WWOX: variants seen among roughly 807,000 people sequenced by gnomAD.
WWOX encodes the protein WW domain containing oxidoreductase, also known as WW domain-containing oxidoreductase.
A neutral mutation model predicts 46.2 loss-of-function variants in WWOX; 69 were observed. The ratio of observed to expected loss-of-function variants is 1.49; its 90% CI spans 1.23 to 1.82. The LOEUF is 1.82. Among genes scored for constraint, WWOX ranks in the 40% most tolerant of loss-of-function variants. The pLI is 0.00. For synonymous variants in WWOX, 359 were observed against 202.6 expected (o/e 1.77, Z -6.56); for missense variants, 919 against 542.6 (o/e 1.69, Z -6.89).
intron 8 of WWOX, among the ~76,000 whole-genome samples, chr16:78,979,132 T>G (rs1306799989): frequency 6.6e-6 from 1 of 150,542 alleles, no homozygotes; most frequent in East Asian, 2.0e-4. Flanking sequence ...TATATTTTCC[T>G]CTCGAATATC....
At chr16:79,026,096 C>G (rs2047635396) in intron 8 of WWOX, among the ~76,000 whole-genome samples, 1 of 151,542 alleles carries the variant, frequency 6.6e-6, no homozygotes, top group Admixed American at 6.6e-5. Flanking sequence ...TCCCCATGCC[C>G]AGCCCCTGTT....
chr16:78,867,044 G>T (rs954349869), intron 8 of WWOX, among the ~76,000 whole-genome samples: 2 of 152,200 alleles, frequency 1.3e-5, no homozygotes, highest in African/African-American at 2.4e-5. Context: ...TGACTTTGTG[G>T]AAGGAGAAGG....
intron 8 of WWOX, among the ~76,000 whole-genome samples, chr16:78,478,261 T>C (rs2084400848): frequency 6.6e-6 from 1 of 152,204 alleles, no homozygotes; most frequent in Admixed American, 6.5e-5. Context: ...GCCTATTCCA[T>C]TCTTTTTATA....
chr16:78,266,163 G>C (rs59541013), intron 5 of WWOX: 38 of 152,274 alleles, frequency 2.5e-4, no homozygotes, highest in African/African-American at 8.2e-4. Flanking sequence ...CAGCCCGAGA[G>C]CTAAGAATGG....
chr16:78,337,990 C>T lies in WWOX; in HGVS notation c.517-48870C>T, dbSNP rs1482696508. 4.2e-5 allele frequency among the ~76,000 whole-genome samples: 5 copies of T among 119,604 alleles called. 1 individual carries two copies. Among genetic ancestry groups the T allele is most frequent in the Non-Finnish European group, 9.9e-5 (5 of 50,254 alleles). The allele number at this position is 119,604 out of a possible 152,430, so 78.5% of individuals were successfully genotyped here. A position where few individuals can be genotyped will look rare whatever the true frequency, so the allele number is the denominator to read the frequency against. ...CAAGATGCTTTATCAGGTCACTTGGCAACCAAGCTGATGAGGATAGCAGTT... is the reference window on the plus strand; with the variant it reads ...CAAGATGCTTTATCAGGTCACTTGGTAACCAAGCTGATGAGGATAGCAGTT... On this transcript the variant is annotated intron_variant, in intron 5 of 8. Transcript: ENST00000566780.
chr16:79,134,173 AT>A (rs5818203), intron 8 of WWOX, among the ~76,000 whole-genome samples: 43,059 of 151,290 alleles, frequency 0.28, 6,909 homozygotes, highest in African/African-American at 0.43. Context: ...TTATCTTATG[AT>A]TTTTTTTTCT....
chr16:78,815,286 C>T (rs2051300002), intron 8 of WWOX, among the ~76,000 whole-genome samples: 1 of 151,302 alleles, frequency 6.6e-6, no homozygotes, highest in African/African-American at 2.4e-5. Context: ...GATTGTGCCA[C>T]TGCACTCCAG....
rs375570217 is a variant in WWOX, at chr16:79,084,059, G to A, written c.1057-127549G>A. On this transcript the variant is annotated intron_variant, in intron 8 of 8. Coordinates refer to ENST00000566780, the MANE Select transcript of WWOX (RefSeq NM_016373.4). ...TCTCCACAGGCAGAACCAGACCATCGTGAACTTCTTGATTTACATGGTGGT... is the reference window on the plus strand; with the variant it reads ...TCTCCACAGGCAGAACCAGACCATCATGAACTTCTTGATTTACATGGTGGT... Among the ~76,000 whole-genome samples the A allele has an allele frequency of 2.1e-4, 32 of 152,262 alleles. No homozygotes were observed. In the East Asian group the frequency reaches 2.9e-3, roughly 14 times the overall value.
intron 8 of WWOX, among the ~76,000 whole-genome samples, chr16:79,139,495 G>C (rs1262375821): frequency 6.6e-6 from 1 of 152,172 alleles, no homozygotes; most frequent in Non-Finnish European, 1.5e-5. Context: ...TTTGCAAAAA[G>C]ATTTGTCCAT....
In WWOX at chr16:78,810,408, G is replaced by C. The variant is rs181499265; in HGVS notation, c.1056+377656G>C. Among the ~76,000 whole-genome samples the C allele has an allele frequency of 7.2e-5, 11 of 152,300 alleles. No individual in the cohort carries two copies. The East Asian group carries it at 1.4e-3, about 19-fold the overall frequency. On this transcript the variant is annotated intron_variant, in intron 8 of 8. Transcript: ENST00000566780. ...TTGTTTTTAACATTTGAGAATGACA[G>C]CGTATTGGCAGTTCATATAAGCTAT...
intron 8 of WWOX, among the ~76,000 whole-genome samples, chr16:78,684,559 G>T (rs2047811349): frequency 6.6e-6 from 1 of 152,136 alleles, no homozygotes; most frequent in African/African-American, 2.4e-5. Context: ...GGCTCAGGCT[G>T]TGCCTCACAG....
rs1281663738 is a variant in WWOX at position 79,211,812 on chromosome 16, G to C, written c.*16G>C. On this transcript the variant is annotated 3_prime_UTR_variant, in exon 9 of 9. Coordinates refer to ENST00000566780, the MANE Select transcript of WWOX (RefSeq NM_016373.4). Reference sequence around the variant, plus strand: ...GTCCGGCTAAGTGGAGCTCAGAGCGGATGGGCACACACACCCGCCCTGTGT... The same window carrying C: ...GTCCGGCTAAGTGGAGCTCAGAGCGCATGGGCACACACACCCGCCCTGTGT... 5 of 1,613,798 alleles carry C rather than the reference G, an allele frequency of 3.1e-6. No homozygotes were observed. Among genetic ancestry groups the C allele is most frequent in the Admixed American group, 3.3e-5 (2 of 60,000 alleles).
chr16:78,261,796 A>C (rs201647546), intron 5 of WWOX, among the ~76,000 whole-genome samples: 4,696 of 71,654 alleles, frequency 0.066, 136 homozygotes, highest in Admixed American at 0.11. Flanking sequence ...ATCTATATAT[A>C]TATATATATA....
intron 8 of WWOX, among the ~76,000 whole-genome samples, chr16:78,500,514 C>T (rs1597172773): frequency 6.6e-6 from 1 of 151,980 alleles, no homozygotes; most frequent in Admixed American, 6.6e-5. Context: ...TAGCATTTTA[C>T]CATGAGAAGC....
rs922669860 is a variant in WWOX, at chr16:79,212,271, C to A, written c.*475C>A. On this transcript the variant is annotated 3_prime_UTR_variant, in exon 9 of 9. Coordinates refer to ENST00000566780, the MANE Select transcript of WWOX (RefSeq NM_016373.4). ...CCAGGAGATAATTGTTTCATTCATC[C>A]TGACCAAGACTGAGCCAGCTTAGCA... 4.1e-6 allele frequency: 5 copies of A among 1,218,946 alleles called. No individual in the cohort carries two copies. The highest frequency in any genetic ancestry group is 5.5e-6 in the Non-Finnish European group (5 of 905,312). The allele number at this position is 1,218,946 out of a possible 1,614,324, so 75.5% of individuals were successfully genotyped here.
chr16:78,429,146 C>G (rs1245450020), intron 7 of WWOX, among the ~76,000 whole-genome samples: 1 of 152,162 alleles, frequency 6.6e-6, no homozygotes, highest in Non-Finnish European at 1.5e-5. Context: ...AGTCTACTTT[C>G]CAAGAATTCA....
At chr16:78,269,930 T>TTTTTTTTC (rs1480241339) in intron 5 of WWOX, among the ~76,000 whole-genome samples, 2 of 151,812 alleles carry the variant, frequency 1.3e-5, no homozygotes, top group African/African-American at 4.8e-5. Flanking sequence ...TTTTTTTTTT[T>TTTTTTTTC]TTACTTTCAC....
chr16:78,162,896 C>T (rs2034842488), intron 4 of WWOX, among the ~76,000 whole-genome samples: 1 of 152,080 alleles, frequency 6.6e-6, no homozygotes, highest in Non-Finnish European at 1.5e-5. Flanking sequence ...AAACTATATG[C>T]TGAATTCTTC....
chr16:78,180,216 C>A (rs762320844), intron 5 of WWOX, among the ~76,000 whole-genome samples: 2 of 152,122 alleles, frequency 1.3e-5, no homozygotes, highest in Non-Finnish European at 2.9e-5. Flanking sequence ...CTCTAACTTG[C>A]CTGGTCATTC....
Sources: gnomAD v4.1 joint callset for allele counts (sites outside exome capture counted in the v4.1 genomes callset) on GRCh38, gnomAD v4.1.1 for gene constraint, MANE v1.5 for transcripts, NCBI Gene and HGNC (gene_info 2026-07-23, HGNC 2026-07-21) for gene names.